PLVAP: variants seen among roughly 807,000 people sequenced by gnomAD.
PLVAP encodes plasmalemma vesicle associated protein.
In PLVAP, 34 loss-of-function variants were observed where a neutral mutation model predicts 43.1. The ratio of observed to expected loss-of-function variants is 0.79; its 90% CI spans 0.60 to 1.05. PLVAP has a LOEUF of 1.05. Among genes scored for constraint, PLVAP ranks in the 50% least tolerant of loss-of-function variants. The pLI is 0.00. For missense variants in PLVAP, 574 were observed against 593.4 expected, an observed-to-expected ratio of 0.97 and a Z score of 0.34; for synonymous variants, 241 against 237.3, an observed-to-expected ratio of 1.02 and a Z score of -0.14.
At chr19:17,365,144 G>A in intron 3 of PLVAP, 142 bp downstream of exon 3, 1 of 693,558 alleles carries the variant, frequency 1.4e-6, no homozygotes, top group South Asian at 1.9e-5. Flanking sequence ...TGATCCTAAT[G>A]CCTGATCCTA....
At chr19:17,373,421 A>G (rs865995437) in intron 1 of PLVAP, among the ~76,000 whole-genome samples, 4 of 151,974 alleles carry the variant, frequency 2.6e-5, no homozygotes, top group Non-Finnish European at 5.9e-5. Flanking sequence ...TTCTGCCTTG[A>G]GCAGGACTGA....
At chr19:17,359,765 T>C (rs945260813) in intron 5 of PLVAP, among the ~76,000 whole-genome samples, 7 of 145,788 alleles carry the variant, frequency 4.8e-5, no homozygotes, top group Non-Finnish European at 7.5e-5. Context: ...TGATCTCGGC[T>C]CACTGCAACC....
chr19:17,377,172 G>C lies in PLVAP; in HGVS notation c.117C>G (p.Ile39Met). Residue 39 changes from isoleucine (I) to methionine (M), a missense_variant, in exon 1 of 6, where the codon ATC becomes ATG. Physicochemically the swap from Ile to Met is conservative, Grantham distance 10. Transcript: ENST00000252590. ...FLFVSLIQFLIILGLVLFMVY... is the reference protein window; with the variant it reads ...FLFVSLIQFLMILGLVLFMVY... ...CCATGAAGAGCACGAGCCCCAGGAT[G>C]ATGAGGAATTGGATGAGGGAGACGA... 1 of 1,614,126 alleles carries C rather than the reference G, an allele frequency of 6.2e-7. No homozygotes were observed. The highest frequency in any genetic ancestry group is 8.5e-7 in the Non-Finnish European group (1 of 1,180,018).
chr19:17,373,130 A>AGGTCTGAGGT (rs35794385), intron 1 of PLVAP, among the ~76,000 whole-genome samples: 1 of 142,262 alleles, frequency 7.0e-6, no homozygotes, highest in South Asian at 2.3e-4. Flanking sequence ...TTCAGGTCTG[A>AGGTCTGAGGT]GAGGGGAGGC....
chr19:17,354,856 C>T (rs1469745969), intron 5 of PLVAP, among the ~76,000 whole-genome samples: 1 of 149,970 alleles, frequency 6.7e-6, no homozygotes, highest in African/African-American at 2.5e-5. Flanking sequence ...CGAGATCGTG[C>T]CACTGCACTC....
chr19:17,360,315 A>G (rs559509877), intron 5 of PLVAP, among the ~76,000 whole-genome samples: 1 of 152,248 alleles, frequency 6.6e-6, no homozygotes, highest in Admixed American at 6.5e-5. Flanking sequence ...ACACTGTCTA[A>G]CCCACTACTC....
Position 17,365,300 on chromosome 19 carries a change from A to T in PLVAP, c.1165T>A (p.Cys389Ser). Residue 389 changes from cysteine to serine, a missense_variant, in exon 3 of 6, where the codon TGC becomes AGC. Coordinates refer to ENST00000252590, the MANE Select transcript of PLVAP (RefSeq NM_031310.3). ...LAIRNSALDT[C>S]IKTKSQPMMP... ...TGCAAGCCCACCTTGGTCTTGATGC[A>T]GGTGTCCAGGGCTGAGTTTCTGATG... 1 of 1,611,012 alleles carries T rather than the reference A, an allele frequency of 6.2e-7. No homozygotes were observed. Among genetic ancestry groups the T allele is most frequent in the Non-Finnish European group, 8.5e-7 (1 of 1,178,540 alleles).
chr19:17,352,262 G>T lies in PLVAP; in HGVS notation c.*100C>A, dbSNP rs781285168. On this transcript the variant is annotated 3_prime_UTR_variant, in exon 6 of 6. Transcript: ENST00000252590. The stretch of plus-strand genomic sequence containing the variant: ...TGATGGTGGCCCTGGGTGGTTGGGG[G>T]CGGCGGGAGGGGGTTGTGTCGGGCG... 6.6e-7 allele frequency: 1 copy of T among 1,512,976 alleles called. No homozygotes were observed. 93.7% of individuals were successfully genotyped at this position (1,512,976 alleles called of 1,614,324 possible).
chr19:17,376,405 A>G (rs185565971), intron 1 of PLVAP, among the ~76,000 whole-genome samples: 3 of 151,906 alleles, frequency 2.0e-5, no homozygotes, highest in Admixed American at 2.0e-4. Context: ...CAAGAGGATC[A>G]CTTGAGTCCA....
At position 17,377,066 on chromosome 19, in the gene PLVAP, G is replaced by A; in HGVS notation, c.223C>T (p.Leu75=). The part of the protein sequence containing the change: ...RRAEGLYSQL[L]GLTASQSNLT... ...TTGGACTGGGAGGCCGTGAGCCCTA[G>A]GAGCTGACTGTATAGGCCCTCGGCT... The change falls in exon 1 of 6, where the codon CTA becomes TTA. Residue 75 remains leucine, a synonymous_variant. Coordinates refer to ENST00000252590, the MANE Select transcript of PLVAP (RefSeq NM_031310.3). 1.2e-6 allele frequency: 2 copies of A among 1,614,162 alleles called. No homozygotes were observed.
intron 5 of PLVAP, among the ~76,000 whole-genome samples, chr19:17,354,726 G>A (rs1328852879): frequency 6.6e-6 from 1 of 151,082 alleles, no homozygotes; most frequent in Admixed American, 6.6e-5. Context: ...GTGAAACCCC[G>A]CCTCTACTAA....
At chr19:17,363,059 T>C (rs1183763090) in intron 3 of PLVAP, among the ~76,000 whole-genome samples, 2 of 152,186 alleles carry the variant, frequency 1.3e-5, no homozygotes, top group African/African-American at 4.8e-5. Context: ...GCCTCGATTC[T>C]TTCATTTTTC....
Position 17,377,088 on chromosome 19 carries a change from G to A in PLVAP, c.201C>T (p.Ala67=). 2.5e-6 allele frequency: 4 copies of A among 1,614,108 alleles called. No individual in the cohort carries two copies. Among genetic ancestry groups the A allele is most frequent in the South Asian group, 2.2e-5 (2 of 91,080 alleles). The change falls in exon 1 of 6, where the codon GCC becomes GCT. Residue 67 remains alanine (A), a synonymous_variant. Transcript: ENST00000252590. ...CTAGGAGCTGACTGTATAGGCCCTC[G>A]GCTCGGCGCTCGGTGGCCTGCAGGT... ...ESNLQATERR[A]EGLYSQLLGL... is the part of the protein sequence containing the mutation.
chr19:17,352,191 G>GT lies in PLVAP; in HGVS notation c.*170dup. On this transcript the variant is annotated 3_prime_UTR_variant, in exon 6 of 6. Transcript: ENST00000252590. ...CTGGGTGAGGGATCGTGAGGCGCGG[G>GT]TGCGGGTGTGAGAGGGTACTAGGGG... The GT allele has an allele frequency of 1.2e-6, 1 of 852,890 alleles. No individual in the cohort carries two copies. The highest frequency in any genetic ancestry group is 1.8e-6 in the Non-Finnish European group (1 of 544,704). The allele number at this position is 852,890 out of a possible 1,614,324, so 52.8% of individuals were successfully genotyped here.
rs2074549808 is a variant in PLVAP, at chr19:17,366,247, C to A, written c.370-52G>T. 3 of 1,584,188 alleles carry A rather than the reference C, an allele frequency of 1.9e-6. No homozygotes were observed. The South Asian group carries it at 3.3e-5, about 18-fold the overall frequency. Reference sequence around the variant, plus strand: ...AGGACAGAGCTTAGTGTCTTGCCCCCAGGACTGCCTGGACCCAGATCGAGC... The same window carrying A: ...AGGACAGAGCTTAGTGTCTTGCCCCAAGGACTGCCTGGACCCAGATCGAGC... On this transcript the variant is annotated intron_variant, in intron 1 of 5. Transcript: ENST00000252590.
Position 17,376,926 on chromosome 19 carries a change from A to G in PLVAP, c.363T>C (p.Gly121=). 6.2e-7 allele frequency: 1 copy of G among 1,612,898 alleles called. No homozygotes were observed. Among genetic ancestry groups the G allele is most frequent in the African/African-American group, 1.3e-5 (1 of 75,026 alleles). The change falls in exon 1 of 6, where the codon GGT becomes GGC. Residue 121 remains glycine, a synonymous_variant. Coordinates refer to ENST00000252590, the MANE Select transcript of PLVAP (RefSeq NM_031310.3). ...RINASFRQCQ[G]DRVIYTNNQR... ...GTCCTGCCCACAGCCTTACCCGGTC[A>G]CCCTGGCACTGGCGGAAGCTGGCAT...
Position 17,352,155 on chromosome 19 carries a change from G to C in PLVAP, c.*207C>G, listed in dbSNP as rs943014666. 1.6e-6 allele frequency: 1 copy of C among 641,070 alleles called. No individual in the cohort carries two copies. Among genetic ancestry groups the C allele is most frequent in the Non-Finnish European group, 2.7e-6 (1 of 370,230 alleles). 39.7% of individuals were successfully genotyped at this position (641,070 alleles called of 1,614,324 possible). On this transcript the variant is annotated 3_prime_UTR_variant, in exon 6 of 6. Transcript: ENST00000252590. ...GTTGCTTGCGTGACGTCATCTCCGCGGCCGTGTGCTCTGGGTGAGGGATCG... is the reference window on the plus strand; with the variant it reads ...GTTGCTTGCGTGACGTCATCTCCGCCGCCGTGTGCTCTGGGTGAGGGATCG...
intron 3 of PLVAP, among the ~76,000 whole-genome samples, chr19:17,362,944 C>T (rs565399464): frequency 6.6e-6 from 1 of 152,240 alleles, no homozygotes; most frequent in African/African-American, 2.4e-5. Context: ...AAACCAACTC[C>T]CCGGTTCCTC....
intron 1 of PLVAP, among the ~76,000 whole-genome samples, chr19:17,369,916 T>C (rs931032470): frequency 9.4e-5 from 14 of 148,222 alleles, no homozygotes; most frequent in Non-Finnish European, 8.9e-5. Flanking sequence ...GGCAGAAGAA[T>C]TGCTTGAACC....
Sources: gnomAD v4.1 joint callset for allele counts (sites outside exome capture counted in the v4.1 genomes callset) on GRCh38, gnomAD v4.1.1 for gene constraint, MANE v1.5 for transcripts, NCBI Gene and HGNC (gene_info 2026-07-23, HGNC 2026-07-21) for gene names.